Variants in CHFR observed in about 807,000 individuals in gnomAD.
CHFR encodes the protein E3 ubiquitin-protein ligase CHFR.
Under a neutral mutation model 87.6 loss-of-function variants are expected in CHFR, and 57 were observed. That is an observed-to-expected ratio of 0.65 (90% CI 0.53 to 0.81). The LOEUF (loss-of-function observed/expected upper bound fraction) is 0.81. Among genes scored for constraint, CHFR ranks in the 30% least tolerant of loss-of-function variants. The pLI is 0.00. For synonymous variants in CHFR, 381 were observed against 359.2 expected (o/e 1.06, Z -0.69); for missense variants, 797 against 865.8 (o/e 0.92, Z 1.00).
intron 12 of CHFR, chr12:132,849,755 A>G (rs910562594): frequency 5.9e-5 from 9 of 151,292 alleles, no homozygotes; most frequent in African/African-American, 1.9e-4. Flanking sequence ...ACAACTGGCC[A>G]ATTTTTTCAT....
rs971358948 is a variant in CHFR, at chr12:132,866,626, C to G, written c.583+2993G>C. 122 of 147,706 alleles carry G rather than the reference C, an allele frequency of 8.3e-4. 1 individual carries two copies. Among genetic ancestry groups the G allele is most frequent in the African/African-American group, 2.9e-3 (117 of 40,198 alleles). 9.1% of individuals were successfully genotyped at this position (147,706 alleles called of 1,614,324 possible). ...AACACACCAGAAAGTTACAACACACCGCGTAACACCAAATGTTACAACACA... is the reference window on the plus strand; with the variant it reads ...AACACACCAGAAAGTTACAACACACGGCGTAACACCAAATGTTACAACACA... On this transcript the variant is annotated intron_variant, in intron 6 of 17. Transcript: ENST00000450056.
chr12:132,857,532 G>T lies in CHFR; in HGVS notation c.939C>A (p.Cys313Ter). The stretch of plus-strand genomic sequence containing the variant: ...CCATCCAGCCCGAGTAGCAAGCCGC[G>T]CAGAACGTGTGCATGCAGGGCTGCA... Reference protein sequence around the residue: ...VSLQPCMHTFCAACYSGWMER... With the variant: ...VSLQPCMHTF The change falls in exon 9 of 18, where the codon TGC becomes TGA. Residue 313 changes from cysteine (C) to a stop codon, truncating the protein, a stop_gained. Coordinates refer to ENST00000450056, the MANE Select transcript of CHFR (RefSeq NM_001161346.2). LOFTEE classifies it high-confidence loss of function. 6.2e-7 allele frequency: 1 copy of T among 1,614,132 alleles called. No homozygotes were observed. The highest frequency in any genetic ancestry group is 8.5e-7 in the Non-Finnish European group (1 of 1,179,994).
intron 3 of CHFR, among the ~76,000 whole-genome samples, chr12:132,873,331 C>G (rs945794049): frequency 1.6e-4 from 25 of 152,314 alleles, no homozygotes; most frequent in African/African-American, 5.8e-4. Flanking sequence ...AGACAGTAAG[C>G]AAATGAACTG....
intron 6 of CHFR, chr12:132,867,766 C>A (rs1035353156): frequency 6.6e-6 from 1 of 152,070 alleles, no homozygotes; most frequent in Non-Finnish European, 1.5e-5. Context: ...AGAATGAGCC[C>A]AGACGACACG....
chr12:132,863,633 CAAGAGGTGTGATA>C (rs925530936), intron 6 of CHFR, among the ~76,000 whole-genome samples: 6 of 152,296 alleles, frequency 3.9e-5, no homozygotes, highest in African/African-American at 1.4e-4. Context: ...AACTATTTTA[CAAGAGGTGTGATA>C]ACGGGAAGGA....
At position 132,837,018 on chromosome 12, in the gene CHFR, C is replaced by A. The variant is rs550312683; in HGVS notation, c.*4536G>T. Reference sequence around the variant, plus strand: ...ACTAGACTGGCTGGCGGGGTGGGGGCAGCCCTGCAGGAGCTGAATGAGGAG... The same window carrying A: ...ACTAGACTGGCTGGCGGGGTGGGGGAAGCCCTGCAGGAGCTGAATGAGGAG... On this transcript the variant is annotated 3_prime_UTR_variant, in exon 18 of 18. Coordinates refer to ENST00000450056, the MANE Select transcript of CHFR (RefSeq NM_001161346.2). 5.7e-6 allele frequency: 2 copies of A among 351,256 alleles called. No homozygotes were observed. Among genetic ancestry groups the A allele is most frequent in the Non-Finnish European group, 5.6e-6 (1 of 178,982 alleles). 21.8% of individuals were successfully genotyped at this position (351,256 alleles called of 1,614,324 possible). A position where few individuals can be genotyped will look rare whatever the true frequency, so the allele number is the denominator to read the frequency against.
intron 6 of CHFR, chr12:132,866,284 G>C (rs1215106975): frequency 6.6e-6 from 1 of 152,190 alleles, no homozygotes; most frequent in East Asian, 1.9e-4. Context: ...CAACACACCA[G>C]AATGTGACAA....
chr12:132,875,603 C>A (rs1407049508), intron 3 of CHFR, among the ~76,000 whole-genome samples: 1 of 151,998 alleles, frequency 6.6e-6, no homozygotes, highest in East Asian at 1.9e-4. Context: ...CAGCCTGAGC[C>A]ACAGAGCGAG....
At chr12:132,867,983 C>T (rs1406625527) in intron 6 of CHFR, 4 of 151,888 alleles carry the variant, frequency 2.6e-5, no homozygotes, top group Non-Finnish European at 5.9e-5. Flanking sequence ...ATGTATAGCG[C>T]GATCCAATTT....
rs201625605 is a variant in CHFR at position 132,851,570 on chromosome 12, T to C, written c.1492+48A>G. The C allele has an allele frequency of 6.8e-5, 106 of 1,553,074 alleles. 1 individual carries two copies. The South Asian group carries it at 1.0e-3, about 15-fold the overall frequency. On this transcript the variant is annotated intron_variant, in intron 12 of 17. Transcript: ENST00000450056. Reference sequence around the variant, plus strand: ...CAACACCGCTTTGAAACCTGACCCCTGAAGGACAGATAGGAACCCGCCTGC... The same window carrying C: ...CAACACCGCTTTGAAACCTGACCCCCGAAGGACAGATAGGAACCCGCCTGC...
At position 132,837,977 on chromosome 12, in the gene CHFR, C is replaced by A. The variant is rs1950661269; in HGVS notation, c.*3577G>T. On this transcript the variant is annotated 3_prime_UTR_variant, in exon 18 of 18. Coordinates refer to ENST00000450056, the MANE Select transcript of CHFR (RefSeq NM_001161346.2). ...TCCCTTCCCAGTGCAGGGCTCCCGG[C>A]AACCTAGCGGCCCTGGCAGTGACTC... 6.6e-6 allele frequency: 1 copy of A among 152,328 alleles called. No homozygotes were observed. The allele number at this position is 152,328 out of a possible 1,614,324, so 9.4% of individuals were successfully genotyped here.
At position 132,841,577 on chromosome 12, in the gene CHFR, C is replaced by G. The variant is rs1950704725; in HGVS notation, c.1936G>C (p.Glu646Gln). 14 of 1,613,758 alleles carry G rather than the reference C, an allele frequency of 8.7e-6. No homozygotes were observed. The highest frequency in any genetic ancestry group is 1.1e-5 in the Non-Finnish European group (13 of 1,179,786). ...HHAMKFNHICEQTRFKN is the reference protein window; with the variant it reads ...HHAMKFNHICQQTRFKN ...GCTTAGTTTTTGAACCTTGTCTGTT[C>G]ACAGATATGATTGAATTTCCTGCAG... is the stretch of plus-strand genomic sequence containing the variant. Residue 646 changes from glutamate (E) to glutamine (Q), a missense_variant, in exon 18 of 18, where the codon GAA (glutamate) becomes CAA (glutamine). Glu to Gln is a conservative substitution (Grantham distance 29, BLOSUM62 2). This residue lies in a region of CHFR where 200 missense variants were observed against 264.6 expected (regional missense o/e 0.76). Coordinates refer to ENST00000450056, the MANE Select transcript of CHFR (RefSeq NM_001161346.2).
intron 5 of CHFR, 136 bp from the exon 6 acceptor site, chr12:132,869,934 C>T: frequency 9.9e-7 from 1 of 1,005,340 alleles, no homozygotes; most frequent in South Asian, 1.5e-5. Flanking sequence ...CAAGGCCAGG[C>T]ACGGTGGTGC....
chr12:132,857,233 C>T (rs1255751853), intron 9 of CHFR, among the ~76,000 whole-genome samples, 172 bp downstream of exon 9: 2 of 145,920 alleles, frequency 1.4e-5, no homozygotes, highest in African/African-American at 5.1e-5. Flanking sequence ...GGTGTGGATG[C>T]CCTCACGTGC....
At chr12:132,856,442 T>C in intron 10 of CHFR, 26 bp downstream of exon 10, 1 of 1,612,226 alleles carries the variant, frequency 6.2e-7, no homozygotes, top group South Asian at 1.1e-5. Context: ...TCACACACTC[T>C]GCTCTGAGCC....
At position 132,847,989 on chromosome 12, in the gene CHFR, TA is replaced by T; in HGVS notation, c.1647+95del. The T allele has an allele frequency of 1.9e-6, 3 of 1,581,578 alleles. No homozygotes were observed. In the Admixed American group the frequency reaches 5.2e-5, roughly 28 times the overall value. Reference sequence around the variant, plus strand: ...GCTCCCCAACCCGCAGCGGGTCAGGTAAAACAGATAAACACCAATAGAATGC... The same window carrying T: ...GCTCCCCAACCCGCAGCGGGTCAGGTAAACAGATAAACACCAATAGAATGC... On this transcript the variant is annotated intron_variant, in intron 14 of 17. Transcript: ENST00000450056.
intron 3 of CHFR, among the ~76,000 whole-genome samples, chr12:132,873,325 A>T (rs916907687): frequency 7.2e-5 from 11 of 152,238 alleles, no homozygotes; most frequent in African/African-American, 2.7e-4. Flanking sequence ...AAATGCAGAC[A>T]GTAAGCAAAT....
intron 17 of CHFR, among the ~76,000 whole-genome samples, 199 bp downstream of exon 17, chr12:132,842,812 A>C (rs932151898): frequency 7.9e-5 from 12 of 152,260 alleles, no homozygotes; most frequent in African/African-American, 2.7e-4. Context: ...TCCAGCCAGG[A>C]AGACACAGAA....
At chr12:132,865,417 C>T (rs924160294) in intron 6 of CHFR, among the ~76,000 whole-genome samples, 3 of 151,898 alleles carry the variant, frequency 2.0e-5, no homozygotes, top group East Asian at 1.9e-4. Context: ...TGCAGTGACG[C>T]GGTATCGGCT....
Sources: gnomAD v4.1 joint callset for allele counts (sites outside exome capture counted in the v4.1 genomes callset) on GRCh38, gnomAD v4.1.1 for gene constraint, gnomAD v4.1.1 regional missense constraint, MANE v1.5 for transcripts, NCBI Gene and HGNC (gene_info 2026-07-23, HGNC 2026-07-21) for gene names.